The following TRMT61B variants were observed in gnomAD, a reference collection of about 807,000 sequenced individuals.
TRMT61B encodes tRNA (adenine(58)-N(1))-methyltransferase, mitochondrial.
TRMT61B carries 56 observed loss-of-function variants against 52.0 expected under a neutral mutation model. That is an observed-to-expected ratio of 1.08 (90% CI 0.87 to 1.35). TRMT61B has a LOEUF of 1.35. TRMT61B is among the 40% of genes most tolerant of loss of function. The pLI, the probability that TRMT61B is intolerant of heterozygous loss-of-function variation, is 0.00. For synonymous variants in TRMT61B, 206 were observed against 220.0 expected (o/e 0.94, Z 0.56); for missense variants, 650 against 577.9 (o/e 1.12, Z -1.28).
At chr2:28,861,419 G>A in intron 2 of TRMT61B, 111 bp from the exon 3 acceptor site, 1 of 850,724 alleles carries the variant, frequency 1.2e-6, no homozygotes, top group Non-Finnish European at 1.7e-6. Flanking sequence ...AATTCAAATA[G>A]TTCAATGTTA....
rs530132686 is a variant in TRMT61B at position 28,850,309 on chromosome 2, T to C, written c.1390+19A>G. 7.5e-6 allele frequency: 12 copies of C among 1,604,944 alleles called. No individual in the cohort carries two copies. In the East Asian group the frequency reaches 1.3e-4, roughly 18 times the overall value. On this transcript the variant is annotated intron_variant, in intron 6 of 6. Transcript: ENST00000306108. Reference sequence around the variant, plus strand: ...AAAAGAAAAAACACCATTTAATATGTTCTGAAAACATTACTCACCTGTATG... The same window carrying C: ...AAAAGAAAAAACACCATTTAATATGCTCTGAAAACATTACTCACCTGTATG...
At chr2:28,860,684 C>T (rs1669563176) in intron 3 of TRMT61B, among the ~76,000 whole-genome samples, 6 of 152,178 alleles carry the variant, frequency 3.9e-5, no homozygotes, top group Admixed American at 3.9e-4. Flanking sequence ...AATGAACACA[C>T]TCCCCTTGAT....
chr2:28,860,978 A>C, intron 3 of TRMT61B, 140 bp downstream of exon 3: 1 of 709,506 alleles, frequency 1.4e-6, no homozygotes, highest in African/African-American at 1.8e-5. Context: ...ATTAAAAGGC[A>C]TGAAACGAAA....
intron 2 of TRMT61B, among the ~76,000 whole-genome samples, chr2:28,862,204 CAAAAAAAAAAAAA>C (rs66527180): frequency 1.6e-3 from 107 of 65,464 alleles, no homozygotes; most frequent in African/African-American, 6.3e-3. Context: ...GACTCCGTCT[CAAAAAAAAAAAAA>C]AAAAAAAAAA....
intron 3 of TRMT61B, among the ~76,000 whole-genome samples, chr2:28,854,053 T>A (rs1669236705): frequency 6.6e-6 from 1 of 152,214 alleles, no homozygotes; most frequent in Non-Finnish European, 1.5e-5. Context: ...TGCTGGCATA[T>A]CTATTTACTA....
In TRMT61B at chr2:28,851,146, A is replaced by G; in HGVS notation, c.1238T>C (p.Ile413Thr). ...AGAATCTAGTTGTACATCTGTGTTG[A>G]TTTTAGATTCTACTTTTTGAGCTAA... ...GILAQKVESKINTDVQLDSQE... is the reference protein window; with the variant it reads ...GILAQKVESKTNTDVQLDSQE... The change falls in exon 5 of 7, where the codon ATC becomes ACC. Residue 413 changes from isoleucine (I) to threonine (T), a missense_variant. Ile to Thr is a moderately conservative substitution (Grantham distance 89). Transcript: ENST00000306108. 1 of 1,613,498 alleles carries G rather than the reference A, an allele frequency of 6.2e-7. No homozygotes were observed. Among genetic ancestry groups the G allele is most frequent in the South Asian group, 1.1e-5 (1 of 91,000 alleles).
intron 2 of TRMT61B, among the ~76,000 whole-genome samples, chr2:28,862,568 A>G (rs1460744421): frequency 1.3e-5 from 2 of 151,676 alleles, no homozygotes; most frequent in Non-Finnish European, 2.9e-5. Flanking sequence ...CGTGAGCTCA[A>G]GCAATCTGCC....
chr2:28,866,093 G>A (rs573967143), intron 1 of TRMT61B, among the ~76,000 whole-genome samples: 44 of 151,758 alleles, frequency 2.9e-4, no homozygotes, highest in African/African-American at 1.0e-3. Context: ...GGGTTCAAGC[G>A]ATTCTCCTGC....
At chr2:28,867,978 G>A (rs2148154295) in intron 1 of TRMT61B, among the ~76,000 whole-genome samples, 1 of 152,168 alleles carries the variant, frequency 6.6e-6, no homozygotes. Context: ...TTGGAGCCTG[G>A]GAGGTTCAGG....
intron 3 of TRMT61B, among the ~76,000 whole-genome samples, chr2:28,855,371 A>T (rs1393574900): frequency 6.6e-6 from 1 of 152,198 alleles, no homozygotes; most frequent in Non-Finnish European, 1.5e-5. Context: ...GTATACTCTG[A>T]CTCACTTTAA....
In TRMT61B at chr2:28,870,099, T is replaced by A; in HGVS notation, c.179A>T (p.Lys60Ile). 2 of 1,614,054 alleles carry A rather than the reference T, an allele frequency of 1.2e-6. No homozygotes were observed. The highest frequency in any genetic ancestry group is 1.7e-6 in the Non-Finnish European group (2 of 1,180,006). The change falls in exon 1 of 7, where the codon AAA becomes ATA. Residue 60 changes from lysine (K) to isoleucine (I), a missense_variant. Coordinates refer to ENST00000306108, the MANE Select transcript of TRMT61B (RefSeq NM_017910.4). ...TGGGCAAGACTCTGCTCCTGGGGCT[T>A]TCCTTTGTGCCGCCTCGTGCTCTCT... ...GEREHEAAQRKAPGAESCPSL... is the reference protein window; with the variant it reads ...GEREHEAAQRIAPGAESCPSL...
chr2:28,851,245 A>C lies in TRMT61B; in HGVS notation c.1139T>G (p.Leu380Arg). The change falls in exon 5 of 7, where the codon CTT (leucine) becomes CGT (arginine). Residue 380 changes from leucine (L) to arginine (R), a missense_variant. Leu to Arg is a moderately radical substitution (Grantham distance 102, BLOSUM62 -2). Transcript: ENST00000306108. ...GACCTCGCTTATCTTTTCACATGAAAGAGCAAGTTCACAGGTGCGAATTCC... is the reference window on the plus strand; with the variant it reads ...GACCTCGCTTATCTTTTCACATGAACGAGCAAGTTCACAGGTGCGAATTCC... The part of the protein sequence containing the change: ...LDGIRTCELA[L>R]SCEKISEVIV... 6.2e-7 allele frequency: 1 copy of C among 1,613,896 alleles called. No homozygotes were observed. The highest frequency in any genetic ancestry group is 1.3e-5 in the African/African-American group (1 of 75,054).
chr2:28,862,332 G>C (rs1157615304), intron 2 of TRMT61B, among the ~76,000 whole-genome samples: 2 of 61,850 alleles, frequency 3.2e-5, no homozygotes, highest in African/African-American at 9.9e-5. Context: ...TTTTGAGTTT[G>C]GTTTTTTTTT....
rs185108553 is a variant in TRMT61B at position 28,857,596 on chromosome 2, T to G, written c.993+3522A>C. On this transcript the variant is annotated intron_variant, in intron 3 of 6. Coordinates refer to ENST00000306108, the MANE Select transcript of TRMT61B (RefSeq NM_017910.4). ...TTACATGAATTCTCTTATTTAATCC[T>G]CAACAACTCTATGAAATAGGTACTA... Among the ~76,000 whole-genome samples the G allele has an allele frequency of 3.9e-3, 600 of 152,312 alleles. 2 individuals carry two copies. Among genetic ancestry groups the G allele is most frequent in the African/African-American group, 0.014 (572 of 41,560 alleles).
At chr2:28,856,863 C>G (rs954841267) in intron 3 of TRMT61B, among the ~76,000 whole-genome samples, 2 of 152,144 alleles carry the variant, frequency 1.3e-5, no homozygotes, top group Non-Finnish European at 1.5e-5. Flanking sequence ...TCTCGAACTC[C>G]TGACCTCATG....
At chr2:28,863,430 C>CAA (rs61373068) in intron 2 of TRMT61B, among the ~76,000 whole-genome samples, 55,211 of 119,024 alleles carry the variant, frequency 0.46, 11,779 homozygotes, top group East Asian at 0.77. Context: ...GAACCCGCCT[C>CAA]AAAAAAAAAA....
At chr2:28,860,524 T>C (rs1355845218) in intron 3 of TRMT61B, among the ~76,000 whole-genome samples, 1 of 152,136 alleles carries the variant, frequency 6.6e-6, no homozygotes, top group Non-Finnish European at 1.5e-5. Flanking sequence ...CGCAGCTTAA[T>C]GTATCCTCTC....
intron 3 of TRMT61B, among the ~76,000 whole-genome samples, chr2:28,856,417 C>G (rs1304532553): frequency 6.6e-6 from 1 of 152,142 alleles, no homozygotes; most frequent in Non-Finnish European, 1.5e-5. Flanking sequence ...TTCTCCAGAA[C>G]TATTCTAAAA....
intron 3 of TRMT61B, among the ~76,000 whole-genome samples, chr2:28,853,462 C>T (rs974265384): frequency 2.0e-5 from 3 of 152,116 alleles, no homozygotes; most frequent in Admixed American, 1.3e-4. Flanking sequence ...AGATGTGAAC[C>T]GCTGCACCTG....
Sources: allele counts gnomAD v4.1 joint callset (sites outside exome capture counted in the v4.1 genomes callset), GRCh38; gene constraint gnomAD v4.1.1; transcripts MANE v1.5; gene names NCBI Gene and HGNC (gene_info 2026-07-23, HGNC 2026-07-21).